Variants in GUSB observed in about 807,000 individuals in gnomAD.
GUSB encodes the protein glucuronidase beta, also known as beta-glucuronidase.
Under a neutral mutation model 74.6 loss-of-function variants are expected in GUSB, and 51 were observed. That is an observed-to-expected ratio of 0.68 (90% CI 0.55 to 0.86). GUSB has a LOEUF of 0.86. Among genes scored for constraint, GUSB ranks in the 40% least tolerant of loss-of-function variants. The pLI is 0.00. For missense variants in GUSB, 736 were observed against 853.7 expected, an observed-to-expected ratio of 0.86 and a Z score of 1.72; for synonymous variants, 360 against 348.3, an observed-to-expected ratio of 1.03 and a Z score of -0.37.
At chr7:65,975,718 G>A in intron 5 of GUSB, 1 of 300,680 alleles carries the variant, frequency 3.3e-6, no homozygotes, top group Non-Finnish European at 6.2e-6. Context: ...AGACATGGTG[G>A]CATGTGCCTG....
At chr7:65,969,399 T>G (rs527460558) in intron 9 of GUSB, among the ~76,000 whole-genome samples, 114 of 151,864 alleles carry the variant, frequency 7.5e-4, no homozygotes, top group African/African-American at 2.3e-3. Flanking sequence ...AATAAATAAA[T>G]AAAGAATGCT....
intron 10 of GUSB, among the ~76,000 whole-genome samples, chr7:65,965,723 C>T (rs1790789265): frequency 6.6e-6 from 1 of 152,036 alleles, no homozygotes; most frequent in Non-Finnish European, 1.5e-5. Context: ...GAGATGGGGT[C>T]TATGTTGCAC....
At chr7:65,978,178 G>T (rs554717295) in intron 4 of GUSB, among the ~76,000 whole-genome samples, 1 of 152,158 alleles carries the variant, frequency 6.6e-6, no homozygotes, top group East Asian at 1.9e-4. Context: ...CAGACCGAGC[G>T]CTGTGGCTCA....
In GUSB at chr7:65,968,989, C is replaced by A. The variant is rs200916558; in HGVS notation, c.1477-1082G>T. Among the ~76,000 whole-genome samples, 23 of 152,300 alleles carry A rather than the reference C, an allele frequency of 1.5e-4. No individual in the cohort carries two copies. In the East Asian group the frequency reaches 4.0e-3, roughly 27 times the overall value. On this transcript the variant is annotated intron_variant, in intron 9 of 11. Coordinates refer to ENST00000304895, the MANE Select transcript of GUSB (RefSeq NM_000181.4). ...CAGGGCGGTGACGACCGAGTAGGAC[C>A]ACCCCAAGCTTCAGCATAGCGGTGC...
chr7:65,980,453 G>C (rs200786193), intron 1 of GUSB, 44 bp from the exon 2 acceptor site: 2 of 1,570,032 alleles, frequency 1.3e-6, no homozygotes, highest in East Asian at 4.6e-5. Context: ...CCCCCAAAAG[G>C]GTCCAGGACC....
chr7:65,962,823 GAT>G (rs898268541), intron 11 of GUSB, among the ~76,000 whole-genome samples: 12 of 151,874 alleles, frequency 7.9e-5, no homozygotes, highest in Middle Eastern at 3.4e-3. Flanking sequence ...AGTAGGCTGA[GAT>G]AGCGCCACTG....
Position 65,964,360 on chromosome 7 carries a change from C to T in GUSB, c.1752G>A (p.Glu584=), listed in dbSNP as rs141430018. 4.2e-4 allele frequency: 676 copies of T among 1,612,018 alleles called. 3 individuals are homozygous for T. In the African/African-American group the frequency reaches 8.1e-3, roughly 19 times the overall value. Residue 584 remains glutamate (E), a synonymous_variant, in exon 11 of 12, where the codon GAG becomes GAA. Coordinates refer to ENST00000304895, the MANE Select transcript of GUSB (RefSeq NM_000181.4). ...TGAAATCGGCAAAATTCCAAATGAG[C>T]TCTCCAACCACGTATTTTCTGCGTT... ...DQKRRKYVVG[E]LIWNFADFMT... is the part of the protein sequence containing the mutation.
chr7:65,977,649 C>T (rs1390880169), intron 4 of GUSB, among the ~76,000 whole-genome samples: 2 of 151,718 alleles, frequency 1.3e-5, no homozygotes, highest in Non-Finnish European at 2.9e-5. Flanking sequence ...CTTGGACTCC[C>T]AAAGTGCTGG....
At position 65,965,717 on chromosome 7, in the gene GUSB, TG is replaced by T. The variant is rs143992176; in HGVS notation, c.1654-1260del. ...ACTAATTTTAAATTTTTTGTAGAGATGGGGTCTATGTTGCACAGACTGGTCT... is the reference window on the plus strand; with the variant it reads ...ACTAATTTTAAATTTTTTGTAGAGATGGGTCTATGTTGCACAGACTGGTCT... On this transcript the variant is annotated intron_variant, in intron 10 of 11. Transcript: ENST00000304895. Among the ~76,000 whole-genome samples, 796 of 152,104 alleles carry T rather than the reference TG, an allele frequency of 5.2e-3. 9 individuals carry two copies. The highest frequency in any genetic ancestry group is 0.018 in the African/African-American group (739 of 41,536).
At position 65,982,096 on chromosome 7, in the gene GUSB, G is replaced by C; in HGVS notation, c.88C>G (p.Pro30Ala). ...CACTCCCGCGACGGGCTCTCCTGGGGGTACAGCATCCCGCCCTGCAGCCCC... is the reference window on the plus strand; with the variant it reads ...CACTCCCGCGACGGGCTCTCCTGGGCGTACAGCATCCCGCCCTGCAGCCCC... The part of the protein sequence containing the change: ...ALGLQGGMLY[P>A]QESPSRECKE... Residue 30 changes from proline to alanine, a missense_variant, in exon 1 of 12, where the codon CCC (proline) becomes GCC (alanine). Physicochemically the swap from Pro to Ala is conservative, Grantham distance 27. Coordinates refer to ENST00000304895, the MANE Select transcript of GUSB (RefSeq NM_000181.4). The C allele has an allele frequency of 1.3e-6, 2 of 1,599,860 alleles. No individual in the cohort carries two copies. The highest frequency in any genetic ancestry group is 3.4e-4 in the Middle Eastern group (2 of 5,904).
chr7:65,974,372 C>T lies in GUSB; in HGVS notation c.1314G>A (p.Lys438=), dbSNP rs1419196628. Residue 438 remains lysine, a synonymous_variant, in exon 8 of 12, where the codon AAG becomes AAA. Coordinates refer to ENST00000304895, the MANE Select transcript of GUSB (RefSeq NM_000181.4). Reference sequence around the variant, plus strand: ...ACCACATCACGACCGCGGGGTGGTTCTTGTCCCTACGCACCACTTCTTCCA... The same window carrying T: ...ACCACATCACGACCGCGGGGTGGTTTTTGTCCCTACGCACCACTTCTTCCA... The part of the protein sequence containing the change: ...QVMEEVVRRD[K]NHPAVVMWSV... 6.2e-7 allele frequency: 1 copy of T among 1,614,036 alleles called. No homozygotes were observed. Among genetic ancestry groups the T allele is most frequent in the Non-Finnish European group, 8.5e-7 (1 of 1,180,010 alleles).
intron 11 of GUSB, among the ~76,000 whole-genome samples, chr7:65,962,604 G>A (rs1790569699): frequency 1.3e-5 from 2 of 152,076 alleles, no homozygotes. Flanking sequence ...TGGCCATGGT[G>A]GCTCATGCCT....
At position 65,980,426 on chromosome 7, in the gene GUSB, C is replaced by G. The variant is rs749802416; in HGVS notation, c.211-17G>C. The G allele has an allele frequency of 2.5e-6, 4 of 1,609,748 alleles. No individual in the cohort carries two copies. Among genetic ancestry groups the G allele is most frequent in the Non-Finnish European group, 3.4e-6 (4 of 1,177,974 alleles). The stretch of plus-strand genomic sequence containing the variant: ...GGGGCCTGACTGTGGAGAGAAGAGC[C>G]GGGCTCAGCTCCTAGGCCCCCAAAA... On this transcript the variant is annotated splice_polypyrimidine_tract_variant and intron_variant, in intron 1 of 11. Transcript: ENST00000304895.
chr7:65,973,384 C>A (rs926416545), intron 8 of GUSB, among the ~76,000 whole-genome samples: 2 of 152,116 alleles, frequency 1.3e-5, no homozygotes, highest in Non-Finnish European at 2.9e-5. Context: ...TTCAAGAGAT[C>A]GAGACCATCC....
intron 9 of GUSB, among the ~76,000 whole-genome samples, chr7:65,968,625 G>A (rs1006051125): frequency 2.3e-4 from 35 of 152,238 alleles, no homozygotes; most frequent in African/African-American, 4.8e-5. Context: ...TCGCTCTGTC[G>A]CCCAGGCTAG....
intron 4 of GUSB, among the ~76,000 whole-genome samples, chr7:65,978,187 C>T (rs1464770636): frequency 6.6e-6 from 1 of 152,192 alleles, no homozygotes; most frequent in African/African-American, 2.4e-5. Context: ...CGCTGTGGCT[C>T]ATTCCTGTAA....
At chr7:65,965,172 G>A (rs1426487663) in intron 10 of GUSB, among the ~76,000 whole-genome samples, 6 of 152,002 alleles carry the variant, frequency 3.9e-5, no homozygotes, top group Admixed American at 3.3e-4. Context: ...TTTGGAGGTC[G>A]AGACAGGAGG....
Position 65,980,402 on chromosome 7 carries a change from G to A in GUSB, c.218C>T (p.Pro73Leu), listed in dbSNP as rs2116043525. ...WYRRPLWESG[P>L]TVDMPVPSSF... ...GGAGGGAACTGGCATGTCCACGGTG[G>A]GGCCTGACTGTGGAGAGAAGAGCCG... The change falls in exon 2 of 12, where the codon CCC (proline) becomes CTC (leucine). Residue 73 changes from proline to leucine, a missense_variant. Physicochemically the swap from Pro to Leu is moderately conservative, Grantham distance 98 (BLOSUM62 -3). Coordinates refer to ENST00000304895, the MANE Select transcript of GUSB (RefSeq NM_000181.4). 1.9e-6 allele frequency: 3 copies of A among 1,613,130 alleles called. No homozygotes were observed. In the East Asian group the frequency reaches 6.7e-5, roughly 36 times the overall value.
chr7:65,975,767 C>A, intron 5 of GUSB: 1 of 418,018 alleles, frequency 2.4e-6, no homozygotes, highest in Non-Finnish European at 4.3e-6. Flanking sequence ...AGGAGGACTG[C>A]TGCAGGCTGA....
Sources: allele counts gnomAD v4.1 joint callset (sites outside exome capture counted in the v4.1 genomes callset), GRCh38; gene constraint gnomAD v4.1.1; transcripts MANE v1.5; gene names NCBI Gene and HGNC (gene_info 2026-07-23, HGNC 2026-07-21).